The following MMP26 variants were observed in gnomAD, a reference collection of about 807,000 sequenced individuals.
The protein encoded by MMP26 is matrix metalloproteinase-26.
In MMP26, 33 loss-of-function variants were observed where a neutral mutation model predicts 31.0. The ratio of observed to expected loss-of-function variants is 1.06; its 90% CI spans 0.81 to 1.42. The LOEUF is 1.42. Among genes scored for constraint, MMP26 ranks in the 40% most tolerant of loss-of-function variants. The pLI is 0.00. For missense variants in MMP26, 347 were observed against 316.1 expected, an observed-to-expected ratio of 1.10 and a Z score of -0.74; for synonymous variants, 122 against 114.9, an observed-to-expected ratio of 1.06 and a Z score of -0.40.
At chr11:4,880,775 G>A (rs1223194764) in intron 2 of MMP26, among the ~76,000 whole-genome samples, 1 of 152,194 alleles carries the variant, frequency 6.6e-6, no homozygotes. Context: ...GATTGAAGCA[G>A]AGGGTAGTTT....
chr11:4,905,318 T>C (rs1228224558), intron 2 of MMP26, among the ~76,000 whole-genome samples: 2 of 152,180 alleles, frequency 1.3e-5, no homozygotes, highest in African/African-American at 2.4e-5. Context: ...CCCTTTTCCA[T>C]GTAGAAGATG....
intron 2 of MMP26, chr11:4,915,211 C>A (rs1321214868): frequency 1.2e-6 from 2 of 1,613,950 alleles, no homozygotes; most frequent in Non-Finnish European, 1.7e-6. Context: ...CCAGAGAGAC[C>A]AGGCCAATCC....
intron 2 of MMP26, chr11:4,832,658 C>G (rs929374164): frequency 5.3e-6 from 1 of 189,570 alleles, no homozygotes; most frequent in African/African-American, 2.4e-5. Context: ...CACCTTTTAT[C>G]CCACTCCTAC....
chr11:4,826,108 A>G (rs1849574726), intron 2 of MMP26, among the ~76,000 whole-genome samples: 1 of 152,096 alleles, frequency 6.6e-6, no homozygotes, highest in Non-Finnish European at 1.5e-5. Flanking sequence ...TGAACTCACA[A>G]AAGGGCCTTA....
At chr11:4,856,855 A>G (rs1238710035) in intron 2 of MMP26, among the ~76,000 whole-genome samples, 4 of 152,224 alleles carry the variant, frequency 2.6e-5, no homozygotes, top group Non-Finnish European at 5.9e-5. Flanking sequence ...AAAAGAACAG[A>G]AACTATAACA....
At chr11:4,937,731 C>T (rs17339000) in intron 2 of MMP26, 43,205 of 171,956 alleles carry the variant, frequency 0.25, 5,882 homozygotes, top group Admixed American at 0.35. Flanking sequence ...AACACATCAG[C>T]TTCATGACAT....
chr11:4,829,398 T>G (rs577744655), intron 2 of MMP26, among the ~76,000 whole-genome samples: 43 of 152,328 alleles, frequency 2.8e-4, no homozygotes, highest in Non-Finnish European at 5.1e-4. Flanking sequence ...GTTGGTTCAT[T>G]TATGTGATAT....
At chr11:4,845,552 A>G (rs1849855398) in intron 2 of MMP26, among the ~76,000 whole-genome samples, 2 of 152,184 alleles carry the variant, frequency 1.3e-5, no homozygotes, top group Non-Finnish European at 2.9e-5. Flanking sequence ...TTCTTGAGCA[A>G]TATCCCACAA....
intron 2 of MMP26, among the ~76,000 whole-genome samples, chr11:4,805,770 GTAGA>G (rs1292796441): frequency 6.6e-6 from 1 of 152,188 alleles, no homozygotes; most frequent in Admixed American, 6.5e-5. Flanking sequence ...CCCTGCTACA[GTAGA>G]TACTGTGTGA....
chr11:4,935,462 TAAG>T (rs1220577480), intron 2 of MMP26, among the ~76,000 whole-genome samples: 1 of 151,144 alleles, frequency 6.6e-6, no homozygotes, highest in East Asian at 1.9e-4. Context: ...CTTATCAGCT[TAAG>T]GAGATTTTGG....
At position 4,950,347 on chromosome 11, in the gene MMP26, TA is replaced by T. The variant is rs1292280446; in HGVS notation, c.-144-37714del. Among the ~76,000 whole-genome samples the T allele has an allele frequency of 2.5e-5, 3 of 120,898 alleles. 1 individual carries two copies. The highest frequency in any genetic ancestry group is 5.0e-4 in the South Asian group (2 of 4,038). 79.3% of individuals were successfully genotyped at this position (120,898 alleles called of 152,430 possible). A position where few individuals can be genotyped will look rare whatever the true frequency, so the allele number is the denominator to read the frequency against. The stretch of plus-strand genomic sequence containing the variant: ...CATCATATGGAATAGTACTCAGCCT[TA>T]AAAAAAGGATGAAATTCTGTCATTT... On this transcript the variant is annotated intron_variant, in intron 2 of 7. Transcript: ENST00000380390.
At chr11:4,935,790 T>A (rs1371990554) in intron 2 of MMP26, among the ~76,000 whole-genome samples, 1 of 151,392 alleles carries the variant, frequency 6.6e-6, no homozygotes, top group Non-Finnish European at 1.5e-5. Flanking sequence ...GCATGAAGAG[T>A]TGTTGAATTT....
chr11:4,808,714 T>A (rs1409267391), intron 2 of MMP26, among the ~76,000 whole-genome samples: 2 of 151,716 alleles, frequency 1.3e-5, no homozygotes, highest in Non-Finnish European at 2.9e-5. Context: ...TCTCTCAGCC[T>A]TCCTCATTCC....
chr11:4,754,123 T>C (rs1180672464), intron 1 of MMP26, among the ~76,000 whole-genome samples: 1 of 150,310 alleles, frequency 6.7e-6, no homozygotes, highest in African/African-American at 2.4e-5. Context: ...TACAGATGCA[T>C]AAACTAAAGT....
At chr11:4,965,237 T>C (rs376332221) in intron 2 of MMP26, among the ~76,000 whole-genome samples, 6 of 152,166 alleles carry the variant, frequency 3.9e-5, no homozygotes, top group African/African-American at 1.4e-4. Context: ...ATCTGGCTTA[T>C]GTGGTCTAGC....
At position 4,974,230 on chromosome 11, in the gene MMP26, A is replaced by C. The variant is rs191673844; in HGVS notation, c.-144-13838A>C. ...CAAAGACTTGAAACTTTTGCTTTTT[A>C]ATATAACGTTGCAATATATGTCCTG... On this transcript the variant is annotated intron_variant, in intron 2 of 7. Transcript: ENST00000380390. Among the ~76,000 whole-genome samples, 119 of 152,168 alleles carry C rather than the reference A, an allele frequency of 7.8e-4. No individual in the cohort carries two copies. The Middle Eastern group carries it at 0.014, about 17-fold the overall frequency.
At chr11:4,958,108 C>T (rs983833247) in intron 2 of MMP26, among the ~76,000 whole-genome samples, 3 of 152,112 alleles carry the variant, frequency 2.0e-5, no homozygotes, top group Admixed American at 6.5e-5. Flanking sequence ...CCCATGATGG[C>T]GCCAGCTCCT....
intron 2 of MMP26, among the ~76,000 whole-genome samples, chr11:4,851,278 G>A (rs184148370): frequency 6.6e-6 from 1 of 152,248 alleles, no homozygotes; most frequent in African/African-American, 2.4e-5. Flanking sequence ...TACTCGTGAG[G>A]CAGCTTCCGT....
At chr11:4,729,274 C>T (rs1466564030) in intron 1 of MMP26, among the ~76,000 whole-genome samples, 1 of 152,010 alleles carries the variant, frequency 6.6e-6, no homozygotes, top group Non-Finnish European at 1.5e-5. Context: ...GATGTTTTTA[C>T]TTATGTGATG....
Sources: allele counts gnomAD v4.1 joint callset (sites outside exome capture counted in the v4.1 genomes callset), GRCh38; gene constraint gnomAD v4.1.1; transcripts MANE v1.5; gene names NCBI Gene and HGNC (gene_info 2026-07-23, HGNC 2026-07-21).